The following AP3D1 variants were observed in gnomAD, a reference collection of about 807,000 sequenced individuals.
The protein encoded by AP3D1 is AP-3 complex subunit delta-1.
Under a neutral mutation model 147.6 loss-of-function variants are expected in AP3D1, and 51 were observed. The ratio of observed to expected loss-of-function variants is 0.35; its 90% CI spans 0.28 to 0.44. AP3D1 has a LOEUF of 0.44. Ranked by LOEUF, AP3D1 falls within the 20% of genes least tolerant of loss-of-function variation. The pLI, the probability that AP3D1 is intolerant of heterozygous loss-of-function variation, is 1.00. For synonymous variants in AP3D1, 760 were observed against 663.0 expected (o/e 1.15, Z -2.25); for missense variants, 1,421 against 1,624.2 (o/e 0.87, Z 2.15).
In AP3D1 at chr19:2,108,785, T is replaced by C. The variant is rs1169621882; in HGVS notation, c.3473-19A>G. The C allele has an allele frequency of 2.6e-6, 4 of 1,556,396 alleles. No homozygotes were observed. The South Asian group carries it at 3.6e-5, about 14-fold the overall frequency. On this transcript the variant is annotated intron_variant, in intron 30 of 31. Coordinates refer to ENST00000643116, the MANE Select transcript of AP3D1 (RefSeq NM_001261826.3). ...TCCACAACTGCAACAGAGCGGGCAGTGTTAGGCTTCCCGGACATTGCATGG... is the reference window on the plus strand; with the variant it reads ...TCCACAACTGCAACAGAGCGGGCAGCGTTAGGCTTCCCGGACATTGCATGG...
At chr19:2,114,681 G>C (rs1186062473) in intron 21 of AP3D1, 67 bp downstream of exon 21, 2 of 1,434,896 alleles carry the variant, frequency 1.4e-6, no homozygotes, top group Non-Finnish European at 2.0e-6. Context: ...ACCCGGAAGG[G>C]AGGACGAGAG....
chr19:2,107,485 A>C (rs933593254), intron 31 of AP3D1, among the ~76,000 whole-genome samples: 1 of 151,920 alleles, frequency 6.6e-6, no homozygotes, highest in African/African-American at 2.4e-5. Context: ...TCAAGCCTGT[A>C]ATCCTAGCAC....
chr19:2,124,997 G>C (rs2018713060), intron 9 of AP3D1, among the ~76,000 whole-genome samples: 1 of 152,156 alleles, frequency 6.6e-6, no homozygotes, highest in South Asian at 2.1e-4. Flanking sequence ...TGTGGGAGGT[G>C]GGGGGTGAGG....
upstream of AP3D1, among the ~76,000 whole-genome samples, chr19:2,153,637 T>C (rs1232373459): frequency 6.8e-6 from 1 of 147,156 alleles, no homozygotes; most frequent in African/African-American, 2.5e-5. Flanking sequence ...ATTGCCCCAT[T>C]ACACTCAAGC....
At chr19:2,111,507 G>C in intron 25 of AP3D1, 172 bp downstream of exon 25, 3 of 1,194,664 alleles carry the variant, frequency 2.5e-6, no homozygotes, top group Non-Finnish European at 3.5e-6. Context: ...AGCCCACCAC[G>C]GGGGTGCCTA....
Position 2,116,298 on chromosome 19 carries a change from A to G in AP3D1, c.2002-20T>C. ...TCGGCGCTGTGGGACACAGCTTGGC[A>G]TGAGCCCGAGAGAAGCGGGCAGGAT... On this transcript the variant is annotated intron_variant, in intron 17 of 31. Coordinates refer to ENST00000643116, the MANE Select transcript of AP3D1 (RefSeq NM_001261826.3). The G allele has an allele frequency of 6.2e-7, 1 of 1,612,626 alleles. No individual in the cohort carries two copies. The highest frequency in any genetic ancestry group is 8.5e-7 in the Non-Finnish European group (1 of 1,179,494).
At chr19:2,130,615 C>T in intron 5 of AP3D1, 78 bp from the exon 6 acceptor site, 1 of 1,586,178 alleles carries the variant, frequency 6.3e-7, no homozygotes, top group Non-Finnish European at 8.6e-7. Context: ...CCGCCTCCTC[C>T]ACAGAGAGGA....
chr19:2,140,363 C>G (rs532806420), intron 1 of AP3D1, among the ~76,000 whole-genome samples: 4 of 152,146 alleles, frequency 2.6e-5, no homozygotes, highest in Non-Finnish European at 5.9e-5. Flanking sequence ...AAAACAAGCA[C>G]ACGAACACAC....
Position 2,115,573 on chromosome 19 carries a change from A to G in AP3D1, c.2114T>C (p.Val705Ala). The G allele has an allele frequency of 6.2e-7, 1 of 1,613,230 alleles. No homozygotes were observed. Among genetic ancestry groups the G allele is most frequent in the Non-Finnish European group, 8.5e-7 (1 of 1,179,868 alleles). ...DTPGVEHIPVVQIDLSVPLKV... is the reference protein window; with the variant it reads ...DTPGVEHIPVAQIDLSVPLKV... Reference sequence around the variant, plus strand: ...CAAGGGGACGGAGAGGTCAATCTGCACCACGGGAATGTGCTCCACGCCCGG... The same window carrying G: ...CAAGGGGACGGAGAGGTCAATCTGCGCCACGGGAATGTGCTCCACGCCCGG... The change falls in exon 19 of 32, where the codon GTG becomes GCG. Residue 705 changes from valine to alanine, a missense_variant. By Grantham distance (64) the Val-to-Ala change is moderately conservative (BLOSUM62 0). Around this residue, in one of 6 missense-constraint regions of AP3D1, gnomAD observed 791 missense variants for 761.4 expected, o/e 1.04. Transcript: ENST00000643116.
At chr19:2,129,761 C>G (rs1391216183) in intron 6 of AP3D1, among the ~76,000 whole-genome samples, 2 of 152,230 alleles carry the variant, frequency 1.3e-5, no homozygotes, top group Non-Finnish European at 2.9e-5. Flanking sequence ...GTGGGGGTTT[C>G]AGCATGAGGG....
intron 30 of AP3D1, 96 bp from the exon 31 acceptor site, chr19:2,108,862 A>G (rs763260543): frequency 2.8e-5 from 39 of 1,414,414 alleles, no homozygotes; most frequent in Middle Eastern, 2.3e-4. Flanking sequence ...GCCCTTGGCC[A>G]CAGCTTCAGG....
chr19:2,160,937 C>A (rs1319016046), intron 1 of AP3D1, among the ~76,000 whole-genome samples: 1 of 152,014 alleles, frequency 6.6e-6, no homozygotes, highest in African/African-American at 2.4e-5. Flanking sequence ...CCAGTGTTTC[C>A]TGGGTGCAGA....
At chr19:2,121,663 C>T in intron 12 of AP3D1, 71 bp downstream of exon 12, 1 of 1,514,736 alleles carries the variant, frequency 6.6e-7, no homozygotes, top group South Asian at 1.3e-5. Context: ...CCACGTGGCT[C>T]TGCACCTGAC....
intron 1 of AP3D1, among the ~76,000 whole-genome samples, chr19:2,157,596 T>C (rs1400926018): frequency 2.9e-5 from 4 of 136,964 alleles, no homozygotes; most frequent in Non-Finnish European, 4.7e-5. Context: ...CACCGACTCA[T>C]CCATCCACCC....
chr19:2,110,155 G>A lies in AP3D1; in HGVS notation c.3245C>T (p.Thr1082Ile), dbSNP rs1240226373. The change falls in exon 28 of 32, where the codon ACC (threonine) becomes ATC (isoleucine). Residue 1082 changes from threonine to isoleucine, a missense_variant. Thr to Ile is a moderately conservative substitution (Grantham distance 89). Transcript: ENST00000643116. The part of the protein sequence containing the change: ...SIVMAQKLKG[T>I]LSFIAKNDEG... ...GCATACCTTGGCAATGAAGGACAGG[G>A]TCCCCTTGAGCTTCTGCGCCATGAC... is the stretch of plus-strand genomic sequence containing the variant. The A allele has an allele frequency of 1.2e-6, 2 of 1,613,004 alleles. No homozygotes were observed. Among genetic ancestry groups the A allele is most frequent in the Non-Finnish European group, 1.7e-6 (2 of 1,179,912 alleles).
intron 9 of AP3D1, among the ~76,000 whole-genome samples, chr19:2,125,330 T>C (rs1022425267): frequency 2.6e-5 from 4 of 152,154 alleles, no homozygotes. Context: ...TGTTTCGTTT[T>C]TTGAGAAGAA....
chr19:2,114,929 T>C, intron 20 of AP3D1, 108 bp from the exon 21 acceptor site: 4 of 1,268,536 alleles, frequency 3.2e-6, no homozygotes, highest in Admixed American at 1.8e-5. Context: ...CACGCACAGG[T>C]GGGCAGTGAC....
At chr19:2,159,221 C>CTTTTT (rs1226347011) in intron 1 of AP3D1, among the ~76,000 whole-genome samples, 1 of 139,568 alleles carries the variant, frequency 7.2e-6, no homozygotes, top group Non-Finnish European at 1.6e-5. Context: ...ATCTCTCTCT[C>CTTTTT]TTTTTTTTTT....
At position 2,137,176 on chromosome 19, in the gene AP3D1, G is replaced by C. The variant is rs144957464; in HGVS notation, c.274-85C>G. 1,202 of 1,223,516 alleles carry C rather than the reference G, an allele frequency of 9.8e-4. 10 individuals are homozygous for C. In the African/African-American group the frequency reaches 0.014, roughly 15 times the overall value. The allele number at this position is 1,223,516 out of a possible 1,614,324, so 75.8% of individuals were successfully genotyped here. A position where few individuals can be genotyped will look rare whatever the true frequency, so the allele number is the denominator to read the frequency against. On this transcript the variant is annotated intron_variant, in intron 3 of 31. Coordinates refer to ENST00000643116, the MANE Select transcript of AP3D1 (RefSeq NM_001261826.3). ...GCTCTGCTCTGCAGCGACCACACCA[G>C]GCAGCGCCAGCCCAGAAGCAACACC...
Sources: allele counts gnomAD v4.1 joint callset (sites outside exome capture counted in the v4.1 genomes callset), GRCh38; gene constraint gnomAD v4.1.1; regional missense constraint gnomAD v4.1.1; transcripts MANE v1.5; gene names NCBI Gene and HGNC (gene_info 2026-07-23, HGNC 2026-07-21).